The following AREL1 variants were observed in gnomAD, a reference collection of about 807,000 sequenced individuals.
The protein encoded by AREL1 is apoptosis-resistant E3 ubiquitin protein ligase 1.
Under a neutral mutation model 99.0 loss-of-function variants are expected in AREL1, and 62 were observed. The observed-to-expected ratio is 0.63, with a 90% CI of 0.51 to 0.77. The LOEUF (loss-of-function observed/expected upper bound fraction) is 0.77. Ranked by LOEUF, AREL1 falls within the 30% of genes least tolerant of loss-of-function variation. The pLI, the probability that AREL1 is intolerant of heterozygous loss-of-function variation, is 0.00. For synonymous variants in AREL1, 380 were observed against 376.5 expected, an observed-to-expected ratio of 1.01 and a Z score of -0.11; for missense variants, 879 against 1,027.6, an observed-to-expected ratio of 0.86 and a Z score of 1.98.
At chr14:74,684,275 GA>G (rs1160775492) in intron 4 of AREL1, among the ~76,000 whole-genome samples, 178 bp downstream of exon 4, 1 of 152,118 alleles carries the variant, frequency 6.6e-6, no homozygotes, top group East Asian at 1.9e-4. Flanking sequence ...CAAAGCTAAG[GA>G]CCTATTAAAT....
Position 74,672,949 on chromosome 14 carries a change from C to T in AREL1, c.1304G>A (p.Gly435Asp). ...CACCTTGTCCTGAAAGGTCTCAGAG[C>T]CTCCTGGGGAACAGCAAGATCCATC... ...FIRSLHKNIG[G>D]SETFQDKVNF... Residue 435 changes from glycine (G) to aspartate (D), a missense_variant, in exon 11 of 20, where the codon GGC becomes GAC. By Grantham distance (94) the Gly-to-Asp change is moderately conservative. Transcript: ENST00000356357. 1 of 1,614,156 alleles carries T rather than the reference C, an allele frequency of 6.2e-7. No homozygotes were observed. Among genetic ancestry groups the T allele is most frequent in the Non-Finnish European group, 8.5e-7 (1 of 1,180,010 alleles).
chr14:74,664,975 C>G, intron 17 of AREL1, 50 bp from the exon 18 acceptor site: 1 of 1,502,412 alleles, frequency 6.7e-7, no homozygotes, highest in Non-Finnish European at 9.2e-7. Flanking sequence ...AGACAAAGAC[C>G]CAATATAAGG....
chr14:74,683,574 G>GA, intron 4 of AREL1, 41 bp from the exon 5 acceptor site: 2 of 1,586,916 alleles, frequency 1.3e-6, no homozygotes, highest in Non-Finnish European at 1.7e-6. Flanking sequence ...GCAAGCAGAG[G>GA]AAAAAAACAT....
intron 9 of AREL1, 94 bp downstream of exon 9, chr14:74,673,940 A>G (rs1379436871): frequency 1.8e-6 from 2 of 1,083,350 alleles, no homozygotes; most frequent in South Asian, 1.4e-5. Context: ...GATCTTGCAG[A>G]AACACTAAAA....
intron 1 of AREL1, among the ~76,000 whole-genome samples, chr14:74,709,126 A>G (rs1378951121): frequency 2.6e-5 from 4 of 152,274 alleles, no homozygotes; most frequent in Admixed American, 6.5e-5. Context: ...CAAGTTAGTT[A>G]ATAGCTAAAG....
In AREL1 at chr14:74,676,680, T is replaced by C; in HGVS notation, c.554A>G (p.His185Arg). The change falls in exon 6 of 20, where the codon CAC (histidine) becomes CGC (arginine). Residue 185 changes from histidine (H) to arginine (R), a missense_variant. Physicochemically the swap from His to Arg is conservative, Grantham distance 29. Coordinates refer to ENST00000356357, the MANE Select transcript of AREL1 (RefSeq NM_001039479.2). ...ATCTCGGGGTACTATTTGAAGGGTG[T>C]GCGGCTGCCCACAGGTCAATACAAG... ...STLVLTCGQP[H>R]TLQIVPRDEY... The C allele has an allele frequency of 6.2e-7, 1 of 1,614,092 alleles. No homozygotes were observed. The highest frequency in any genetic ancestry group is 8.5e-7 in the Non-Finnish European group (1 of 1,179,988).
chr14:74,675,711 A>G lies in AREL1; in HGVS notation c.1068T>C (p.Tyr356=). 1 of 1,614,034 alleles carries G rather than the reference A, an allele frequency of 6.2e-7. No homozygotes were observed. Among genetic ancestry groups the G allele is most frequent in the Non-Finnish European group, 8.5e-7 (1 of 1,179,952 alleles). The change falls in exon 8 of 20, where the codon TAT becomes TAC. Residue 356 remains tyrosine (Y), a synonymous_variant. Coordinates refer to ENST00000356357, the MANE Select transcript of AREL1 (RefSeq NM_001039479.2). ...TGGAAGGTCCAACCTTTGGTGACAC[A>G]TAGCAGTACACCTTCTTCGGTTTCT... The part of the protein sequence containing the change: ...KVKKPKKVYC[Y]VSPKQFSVKE...
chr14:74,708,196 C>T (rs536178655), intron 1 of AREL1, among the ~76,000 whole-genome samples: 16 of 152,276 alleles, frequency 1.1e-4, no homozygotes, highest in Non-Finnish European at 2.2e-4. Flanking sequence ...ATACTCTGTA[C>T]TATCTTTGCA....
chr14:74,712,043 A>AAAAAAAAAAAAAAAAAAAAAAG, intron 1 of AREL1: 1 of 59,678 alleles, frequency 1.7e-5, no homozygotes, highest in African/African-American at 6.5e-5. Context: ...AAGTGCAAAA[A>AAAAAAAAAAAAAAAAAAAAAAG]AAAAAAAAAA....
At chr14:74,709,457 T>C (rs1744363983) in intron 1 of AREL1, among the ~76,000 whole-genome samples, 1 of 152,206 alleles carries the variant, frequency 6.6e-6, no homozygotes, top group Non-Finnish European at 1.5e-5. Flanking sequence ...CACATCTCTA[T>C]TCAGCCACCA....
At position 74,661,724 on chromosome 14, in the gene AREL1, C is replaced by G; in HGVS notation, c.*1996G>C. ...GCCAAAGGGTTTTGTTTAACAAAGA[C>G]TGGTGCCTAAGGACCACCACAGGGA... On this transcript the variant is annotated 3_prime_UTR_variant, in exon 20 of 20. Coordinates refer to ENST00000356357, the MANE Select transcript of AREL1 (RefSeq NM_001039479.2). 6.3e-6 allele frequency: 1 copy of G among 159,484 alleles called. No individual in the cohort carries two copies. Among genetic ancestry groups the G allele is most frequent in the Non-Finnish European group, 1.4e-5 (1 of 72,684 alleles). 9.9% of individuals were successfully genotyped at this position (159,484 alleles called of 1,614,324 possible).
In AREL1 at chr14:74,684,823, T is replaced by C. The variant is rs2089714420; in HGVS notation, c.17-143A>G. 6 of 701,102 alleles carry C rather than the reference T, an allele frequency of 8.6e-6. No homozygotes were observed. The East Asian group carries it at 1.4e-4, about 16-fold the overall frequency. 43.4% of individuals were successfully genotyped at this position (701,102 alleles called of 1,614,324 possible). Reference sequence around the variant, plus strand: ...GCCAAAGAAACACTGCACTGGGCACTACCTCTGTAGATAAGAAAGGAACTT... The same window carrying C: ...GCCAAAGAAACACTGCACTGGGCACCACCTCTGTAGATAAGAAAGGAACTT... On this transcript the variant is annotated intron_variant, in intron 3 of 19. Transcript: ENST00000356357.
At chr14:74,678,588 C>G (rs1443949718) in intron 5 of AREL1, among the ~76,000 whole-genome samples, 1 of 151,472 alleles carries the variant, frequency 6.6e-6, no homozygotes. Context: ...GAAATAAGCC[C>G]CCACAAATAT....
intron 5 of AREL1, among the ~76,000 whole-genome samples, chr14:74,680,251 C>T (rs561814512): frequency 2.0e-5 from 3 of 151,360 alleles, no homozygotes; most frequent in East Asian, 1.9e-4. Context: ...ACAAAAGACA[C>T]GAAGAGACAT....
chr14:74,693,365 TAA>T (rs1020720378), intron 1 of AREL1, among the ~76,000 whole-genome samples: 3 of 152,136 alleles, frequency 2.0e-5, no homozygotes, highest in African/African-American at 7.2e-5. Flanking sequence ...ACTTTCAAAA[TAA>T]AGTCACTAAA....
intron 2 of AREL1, among the ~76,000 whole-genome samples, chr14:74,689,716 C>A (rs1423950622): frequency 6.6e-6 from 1 of 150,970 alleles, no homozygotes; most frequent in Middle Eastern, 3.2e-3. Flanking sequence ...CCTGCCTCAG[C>A]CTCCCGAGTA....
At chr14:74,701,364 G>T (rs1038432095) in intron 1 of AREL1, among the ~76,000 whole-genome samples, 7 of 152,158 alleles carry the variant, frequency 4.6e-5, no homozygotes, top group Admixed American at 1.3e-4. Flanking sequence ...AGTACCATGT[G>T]GCTGGGGAGG....
chr14:74,675,986 G>C (rs752981671), intron 7 of AREL1, 40 bp from the exon 8 acceptor site: 6 of 1,540,408 alleles, frequency 3.9e-6, no homozygotes, highest in Non-Finnish European at 5.2e-6. Flanking sequence ...GTAGAAGTCA[G>C]AGAAGAAAAA....
rs1411966125 is a variant in AREL1 at position 74,661,258 on chromosome 14, C to A, written c.*2462G>T. On this transcript the variant is annotated 3_prime_UTR_variant, in exon 20 of 20. Transcript: ENST00000356357. The stretch of plus-strand genomic sequence containing the variant: ...TAAAGCAGCCACTCACTCCTTAGTT[C>A]TTTTAAACATTTATTTATCTACTGT... 2.2e-6 allele frequency: 1 copy of A among 455,692 alleles called. No homozygotes were observed. The highest frequency in any genetic ancestry group is 4.4e-6 in the Non-Finnish European group (1 of 226,490). 28.2% of individuals were successfully genotyped at this position (455,692 alleles called of 1,614,324 possible). A position where few individuals can be genotyped will look rare whatever the true frequency, so the allele number is the denominator to read the frequency against.
Sources: allele counts gnomAD v4.1 joint callset (sites outside exome capture counted in the v4.1 genomes callset), GRCh38; gene constraint gnomAD v4.1.1; transcripts MANE v1.5; gene names NCBI Gene and HGNC (gene_info 2026-07-23, HGNC 2026-07-21).